COX10: variants seen among roughly 807,000 people sequenced by gnomAD.
COX10 encodes cytochrome c oxidase assembly factor heme A:farnesyltransferase COX10, also known as protoheme IX farnesyltransferase, mitochondrial.
Under a neutral mutation model 37.3 loss-of-function variants are expected in COX10, and 27 were observed. The ratio of observed to expected loss-of-function variants is 0.72; its 90% CI spans 0.53 to 1.00. The LOEUF is 1.00. Among genes scored for constraint, COX10 ranks in the 50% least tolerant of loss-of-function variants. The probability of loss-of-function intolerance (pLI) is 0.00; values close to 1 mark genes in which losing one functional copy is unlikely to be tolerated. For missense variants in COX10, 475 were observed against 563.2 expected (o/e 0.84, Z 1.59); for synonymous variants, 222 against 229.1 (o/e 0.97, Z 0.28).
chr17:14,158,445 AG>A (rs934486033), intron 4 of COX10, among the ~76,000 whole-genome samples: 3 of 151,032 alleles, frequency 2.0e-5, no homozygotes, highest in Non-Finnish European at 4.4e-5. Context: ...GACTTGTAAA[AG>A]TACAATAAAA....
intron 4 of COX10, among the ~76,000 whole-genome samples, chr17:14,155,723 AAAG>A (rs1905026169): frequency 7.8e-6 from 1 of 127,790 alleles, no homozygotes; most frequent in African/African-American, 2.9e-5. Flanking sequence ...TCAAAAAAAA[AAAG>A]AAAAAAAAAG....
At chr17:14,086,223 G>C (rs957806993) in intron 3 of COX10, among the ~76,000 whole-genome samples, 1 of 151,888 alleles carries the variant, frequency 6.6e-6, no homozygotes, top group African/African-American at 2.4e-5. Flanking sequence ...ACTATGCTTA[G>C]ACTTTCCCAC....
intron 4 of COX10, among the ~76,000 whole-genome samples, chr17:14,113,715 A>C (rs867881405): frequency 6.6e-6 from 1 of 152,278 alleles, no homozygotes; most frequent in East Asian, 1.9e-4. Flanking sequence ...TAGCATTCAA[A>C]AGGTAAAGTC....
At chr17:14,203,644 G>A (rs563706950) in intron 6 of COX10, among the ~76,000 whole-genome samples, 1 of 152,178 alleles carries the variant, frequency 6.6e-6, no homozygotes. Flanking sequence ...AGGAGGAGCT[G>A]GTTCCTTCTC....
intron 3 of COX10, among the ~76,000 whole-genome samples, chr17:14,097,987 A>G (rs1915687835): frequency 6.6e-6 from 1 of 152,282 alleles, no homozygotes; most frequent in African/African-American, 2.4e-5. Context: ...AAGTCTGTAC[A>G]TACTCATTAT....
chr17:14,115,637 C>T (rs997685623), intron 4 of COX10, among the ~76,000 whole-genome samples: 10 of 152,182 alleles, frequency 6.6e-5, no homozygotes, highest in African/African-American at 2.4e-4. Flanking sequence ...CCTAAGCGTC[C>T]ATCAATGGAT....
At chr17:14,086,408 C>T (rs1385448176) in intron 3 of COX10, among the ~76,000 whole-genome samples, 3 of 152,016 alleles carry the variant, frequency 2.0e-5, no homozygotes, top group African/African-American at 7.2e-5. Context: ...GTTCTATTCA[C>T]AAAGAGTTTG....
chr17:14,106,674 C>A (rs1597503216), intron 4 of COX10, among the ~76,000 whole-genome samples: 1 of 152,066 alleles, frequency 6.6e-6, no homozygotes, highest in East Asian at 1.9e-4. Flanking sequence ...AATCTTGGCT[C>A]GGTTTGTAGG....
intron 4 of COX10, among the ~76,000 whole-genome samples, chr17:14,151,629 A>T (rs1904899567): frequency 6.6e-6 from 1 of 152,032 alleles, no homozygotes; most frequent in South Asian, 2.1e-4. Context: ...ATTAGGTAAC[A>T]CCTTACAAGC....
chr17:14,194,527 A>G (rs191655817), intron 6 of COX10, among the ~76,000 whole-genome samples: 1,749 of 152,232 alleles, frequency 0.011, 26 homozygotes, highest in African/African-American at 0.04. Context: ...CCTGGGTTCA[A>G]GCGATTCTCC....
intron 4 of COX10, among the ~76,000 whole-genome samples, chr17:14,109,010 T>C (rs1915958035): frequency 6.6e-6 from 1 of 151,006 alleles, no homozygotes; most frequent in Non-Finnish European, 1.5e-5. Context: ...ATCATACATA[T>C]AAGAAAAAAT....
Position 14,197,223 on chromosome 17 carries a change from C to A in COX10, c.928+5002C>A, listed in dbSNP as rs116302434. ...TTGAGGCAGCCCATGGGTCAGAGTG[C>A]TCCACCAAGCAAGGAAATGCAGTAT... On this transcript the variant is annotated intron_variant, in intron 6 of 6. Coordinates refer to ENST00000261643, the MANE Select transcript of COX10 (RefSeq NM_001303.4). Among the ~76,000 whole-genome samples the A allele has an allele frequency of 5.3e-3, 800 of 152,262 alleles. 6 individuals carry two copies. The highest frequency in any genetic ancestry group is 0.019 in the African/African-American group (771 of 41,552).
chr17:14,102,040 C>T (rs1915792985), intron 3 of COX10, 78 bp from the exon 4 acceptor site: 2 of 1,572,504 alleles, frequency 1.3e-6, no homozygotes, highest in Admixed American at 3.3e-5. Context: ...TGAAGGATGG[C>T]TTGTTTTTTG....
At position 14,102,192 on chromosome 17, in the gene COX10, A is replaced by C; in HGVS notation, c.574A>C (p.Thr192Pro). ...TTTTGACTGGCCCTGTTTCCTGCTT[A>C]CTTCTGTTGGGACAGGCCTTGCATC... ...GPFDWPCFLL[T>P]SVGTGLASCA... Residue 192 changes from threonine (T) to proline (P), a missense_variant, in exon 4 of 7, where the codon ACT becomes CCT. By Grantham distance (38) the Thr-to-Pro change is conservative. This residue lies in a region of COX10 where 242 missense variants were observed against 242.5 expected (regional missense o/e 1.00). Transcript: ENST00000261643. 6.2e-7 allele frequency: 1 copy of C among 1,613,730 alleles called. No homozygotes were observed. The highest frequency in any genetic ancestry group is 1.3e-5 in the African/African-American group (1 of 75,004).
chr17:14,160,368 T>A (rs527237102), intron 5 of COX10, among the ~76,000 whole-genome samples: 1 of 152,298 alleles, frequency 6.6e-6, no homozygotes, highest in East Asian at 1.9e-4. Flanking sequence ...AGTAAAGTAC[T>A]GCCTCCATCA....
intron 3 of COX10, among the ~76,000 whole-genome samples, chr17:14,087,121 C>T (rs1304195761): frequency 2.0e-5 from 3 of 152,148 alleles, no homozygotes; most frequent in Admixed American, 6.5e-5. Flanking sequence ...CTATTATGTT[C>T]CAAGTATCCA....
intron 3 of COX10, among the ~76,000 whole-genome samples, chr17:14,099,810 G>A (rs975928144): frequency 4.0e-5 from 6 of 151,870 alleles, no homozygotes; most frequent in African/African-American, 1.2e-4. Context: ...TTCATATTTC[G>A]TCTGCGTTCT....
At chr17:14,074,230 T>C (rs1915092983) in intron 1 of COX10, 93 bp from the exon 2 acceptor site, 1 of 1,387,292 alleles carries the variant, frequency 7.2e-7, no homozygotes, top group East Asian at 2.3e-5. Flanking sequence ...GCGCTTACCT[T>C]AGTGGCTGGC....
intron 5 of COX10, among the ~76,000 whole-genome samples, chr17:14,160,673 A>G (rs946863887): frequency 6.6e-6 from 1 of 152,198 alleles, no homozygotes; most frequent in African/African-American, 2.4e-5. Context: ...TTTAAGTAAA[A>G]TAATAAAGGA....
Sources: allele counts gnomAD v4.1 joint callset (sites outside exome capture counted in the v4.1 genomes callset), GRCh38; gene constraint gnomAD v4.1.1; regional missense constraint gnomAD v4.1.1; transcripts MANE v1.5; gene names NCBI Gene and HGNC (gene_info 2026-07-23, HGNC 2026-07-21).